DEFB135: variants seen among roughly 807,000 people sequenced by gnomAD.
DEFB135 encodes beta-defensin 135.
Under a neutral mutation model 8.9 loss-of-function variants are expected in DEFB135, and 14 were observed. The observed-to-expected ratio is 1.58, with a 90% confidence interval of 1.04 to 2.47. DEFB135 has a LOEUF of 2.47. Among genes scored for constraint, DEFB135 ranks in the 30% most tolerant of loss-of-function variants. DEFB135 has a pLI of 0.00. For synonymous variants in DEFB135, 51 were observed against 34.5 expected (o/e 1.48, Z -1.67); for missense variants, 135 against 94.2 (o/e 1.43, Z -1.79).
chr8:11,984,287 A>G (rs1267869754), intron 1 of DEFB135, 134 bp from the exon 2 acceptor site: 4 of 655,570 alleles, frequency 6.1e-6, no homozygotes, highest in Non-Finnish European at 9.1e-6. Context: ...CAGCTATAAA[A>G]TGTCTTGAGT....
chr8:11,983,679 C>T (rs189846369), intron 1 of DEFB135, among the ~76,000 whole-genome samples: 1 of 152,274 alleles, frequency 6.6e-6, no homozygotes, highest in African/African-American at 2.4e-5. Flanking sequence ...ACTTAGCATG[C>T]AAGAGCAGGT....
chr8:11,983,643 G>T (rs561981461), intron 1 of DEFB135, among the ~76,000 whole-genome samples: 1 of 152,096 alleles, frequency 6.6e-6, no homozygotes, highest in Non-Finnish European at 1.5e-5. Flanking sequence ...GACTCATGGG[G>T]GCACCTGGGT....
rs765938935 is a variant in DEFB135, at chr8:11,984,419, A to C, written c.65-2A>C. The C allele has an allele frequency of 1.6e-5, 24 of 1,528,224 alleles. No individual in the cohort carries two copies. The highest frequency in any genetic ancestry group is 2.0e-5 in the Non-Finnish European group (23 of 1,124,590). The allele number at this position is 1,528,224 out of a possible 1,614,324, so 94.7% of individuals were successfully genotyped here. A position where few individuals can be genotyped will look rare whatever the true frequency, so the allele number is the denominator to read the frequency against. Reference sequence around the variant, plus strand: ...TGCATTAACCTTTGTTTCTCTTGGCAGGTAGAAGTGGACCCAATGTCTACA... The same window carrying C: ...TGCATTAACCTTTGTTTCTCTTGGCCGGTAGAAGTGGACCCAATGTCTACA... On this transcript the variant is annotated splice_acceptor_variant, in intron 1 of 1. Transcript: ENST00000382208. LOFTEE classifies it high-confidence loss of function.
intron 1 of DEFB135, 140 bp downstream of exon 1, chr8:11,982,524 G>A (rs1799755326): frequency 4.7e-6 from 4 of 856,406 alleles, no homozygotes; most frequent in South Asian, 3.1e-5. Flanking sequence ...TGGACATGCT[G>A]GGCTGGTCCA....
At chr8:11,983,746 C>G (rs913850393) in intron 1 of DEFB135, among the ~76,000 whole-genome samples, 10 of 152,124 alleles carry the variant, frequency 6.6e-5, no homozygotes, top group Non-Finnish European at 1.3e-4. Context: ...CTTCCTATTA[C>G]CCCTCCTCCA....
Position 11,984,502 on chromosome 8 carries a change from T to TA in DEFB135, c.152dup (p.Asn51LysfsTer9). The TA allele has an allele frequency of 2.5e-6, 4 of 1,589,478 alleles. No homozygotes were observed. Among genetic ancestry groups the TA allele is most frequent in the Non-Finnish European group, 3.4e-6 (4 of 1,160,860 alleles). The stretch of plus-strand genomic sequence containing the variant: ...CAAGGTACTTGCCGGCCAAAATGTC[T>TA]AAAAAACGAACAATATCGTATTTTG... On this transcript the variant is annotated frameshift_variant, in exon 2 of 2. Coordinates refer to ENST00000382208, the MANE Select transcript of DEFB135 (RefSeq NM_001033017.3). LOFTEE classifies it high-confidence loss of function.
chr8:11,982,454 G>T lies in DEFB135; in HGVS notation c.64+70G>T, dbSNP rs58052842. The T allele has an allele frequency of 8.1e-3, 12,755 of 1,566,776 alleles. 699 individuals carry two copies. The African/African-American group carries it at 0.13, about 16-fold the overall frequency. ...AAAAAAGGTGTGAGGTTCTACAAGA[G>T]TGAGAAAAAGGCAGGACTTGGACAA... is the stretch of plus-strand genomic sequence containing the variant. On this transcript the variant is annotated intron_variant, in intron 1 of 1. Coordinates refer to ENST00000382208, the MANE Select transcript of DEFB135 (RefSeq NM_001033017.3).
At chr8:11,982,667 T>A (rs1044749567) in intron 1 of DEFB135, among the ~76,000 whole-genome samples, 1 of 152,140 alleles carries the variant, frequency 6.6e-6, no homozygotes, top group Non-Finnish European at 1.5e-5. Flanking sequence ...CTGGCAGAAG[T>A]AGGGCAGAGC....
At chr8:11,982,493 A>T in intron 1 of DEFB135, 109 bp downstream of exon 1, 1 of 1,223,230 alleles carries the variant, frequency 8.2e-7, no homozygotes, top group Non-Finnish European at 1.2e-6. Context: ...AAGCTGCAAC[A>T]GGGAGGAAAG....
In DEFB135 at chr8:11,984,430, G is replaced by A. The variant is rs1186376368; in HGVS notation, c.74G>A (p.Gly25Glu). The A allele has an allele frequency of 6.5e-7, 1 of 1,549,682 alleles. No individual in the cohort carries two copies. Among genetic ancestry groups the A allele is most frequent in the Admixed American group, 1.8e-5 (1 of 57,078 alleles). The change falls in exon 2 of 2, where the codon GGA (glycine) becomes GAA (glutamate). Residue 25 changes from glycine to glutamate, a missense_variant. Gly to Glu is a moderately conservative substitution (Grantham distance 98). Transcript: ENST00000382208. ...TTGTTTCTCTTGGCAGGTAGAAGTGGACCCAATGTCTACATACAAAAAATC... is the reference window on the plus strand; with the variant it reads ...TTGTTTCTCTTGGCAGGTAGAAGTGAACCCAATGTCTACATACAAAAAATC... The part of the protein sequence containing the change: ...LLFYVPPGRS[G>E]PNVYIQKIFA...
chr8:11,982,515 G>A lies in DEFB135; in HGVS notation c.64+131G>A, dbSNP rs561874985. On this transcript the variant is annotated intron_variant, in intron 1 of 1. Coordinates refer to ENST00000382208, the MANE Select transcript of DEFB135 (RefSeq NM_001033017.3). ...AACAGGGAGGAAAGTGAGCAGAGATGGACATGCTGGGCTGGTCCAGAGAAT... is the reference window on the plus strand; with the variant it reads ...AACAGGGAGGAAAGTGAGCAGAGATAGACATGCTGGGCTGGTCCAGAGAAT... 1.4e-4 allele frequency: 128 copies of A among 912,902 alleles called. 1 individual carries two copies. The African/African-American group carries it at 1.9e-3, about 13-fold the overall frequency. The allele number at this position is 912,902 out of a possible 1,614,324, so 56.6% of individuals were successfully genotyped here. A position where few individuals can be genotyped will look rare whatever the true frequency, so the allele number is the denominator to read the frequency against.
chr8:11,983,552 A>C (rs1288557088), intron 1 of DEFB135, among the ~76,000 whole-genome samples: 1 of 152,154 alleles, frequency 6.6e-6, no homozygotes, highest in Non-Finnish European at 1.5e-5. Flanking sequence ...TCTAGGGAGC[A>C]CATGGTGGGC....
In DEFB135 at chr8:11,983,121, C is replaced by T. The variant is rs1009735938; in HGVS notation, c.64+737C>T. On this transcript the variant is annotated intron_variant, in intron 1 of 1. Transcript: ENST00000382208. ...TAAAAGACAGATATGAGGCTGGGCG[C>T]GGTGGCTCACGCCTGCAATCTAAGC... Among the ~76,000 whole-genome samples, 7 of 152,170 alleles carry T rather than the reference C, an allele frequency of 4.6e-5. No individual in the cohort carries two copies. In the South Asian group the frequency reaches 1.2e-3, roughly 27 times the overall value.
At chr8:11,983,455 G>A (rs1439751096) in intron 1 of DEFB135, among the ~76,000 whole-genome samples, 1 of 152,156 alleles carries the variant, frequency 6.6e-6, no homozygotes. Flanking sequence ...ATGTTGAGAT[G>A]ATGGCTGATG....
intron 1 of DEFB135, among the ~76,000 whole-genome samples, chr8:11,982,743 C>T (rs1408997818): frequency 6.6e-6 from 1 of 152,130 alleles, no homozygotes; most frequent in Non-Finnish European, 1.5e-5. Context: ...TCTTTGAGGG[C>T]TCTTAGAACT....
intron 1 of DEFB135, 121 bp downstream of exon 1, chr8:11,982,505 G>T: frequency 9.7e-7 from 1 of 1,035,308 alleles, no homozygotes; most frequent in African/African-American, 1.6e-5. Flanking sequence ...GGAGGAAAGT[G>T]AGCAGAGATG....
chr8:11,983,647 C>A (rs893231256), intron 1 of DEFB135, among the ~76,000 whole-genome samples: 6 of 152,100 alleles, frequency 3.9e-5, no homozygotes, highest in African/African-American at 1.4e-4. Flanking sequence ...CATGGGGGCA[C>A]CTGGGTGGAG....
At chr8:11,984,190 T>C (rs1292931043) in intron 1 of DEFB135, among the ~76,000 whole-genome samples, 4 of 152,186 alleles carry the variant, frequency 2.6e-5, no homozygotes, top group African/African-American at 7.2e-5. Context: ...AGTTGATCAG[T>C]AATTCATGTA....
rs371741237 is a variant in DEFB135 at position 11,982,330 on chromosome 8, A to T, written c.10A>T (p.Arg4Trp). Residue 4 changes from arginine (R) to tryptophan (W), a missense_variant, in exon 1 of 2, where the codon AGG (arginine) becomes TGG (tryptophan). Arg to Trp is a moderately radical substitution (Grantham distance 101). Coordinates refer to ENST00000382208, the MANE Select transcript of DEFB135 (RefSeq NM_001033017.3). ...TTCTTTGCTGATTGGTATGGCCACA[A>T]GGAGCGTCCTCTTGGCCCTCGTGGT... MAT[R>W]SVLLALVVLN... 1 of 1,614,182 alleles carries T rather than the reference A, an allele frequency of 6.2e-7. No individual in the cohort carries two copies. The highest frequency in any genetic ancestry group is 2.2e-5 in the East Asian group (1 of 44,888).
Sources: allele counts gnomAD v4.1 joint callset (sites outside exome capture counted in the v4.1 genomes callset), GRCh38; gene constraint gnomAD v4.1.1; transcripts MANE v1.5; gene names NCBI Gene and HGNC (gene_info 2026-07-23, HGNC 2026-07-21).